Variants in MITD1 observed in about 807,000 individuals in gnomAD.
MITD1 encodes the protein MIT domain-containing protein 1.
In MITD1, 24 loss-of-function variants were observed where a neutral mutation model predicts 34.9. The observed-to-expected ratio is 0.69, with a 90% CI of 0.50 to 0.97. MITD1 has a LOEUF of 0.97. Ranked by LOEUF, MITD1 falls within the 50% of genes least tolerant of loss-of-function variation. MITD1 has a pLI of 0.00. For synonymous variants in MITD1, 102 were observed against 101.4 expected (o/e 1.01, Z -0.04); for missense variants, 266 against 294.6 (o/e 0.90, Z 0.71).
At position 99,169,444 on chromosome 2, in the gene MITD1, A is replaced by G; in HGVS notation, c.681T>C (p.Asp227=). 6.2e-7 allele frequency: 1 copy of G among 1,607,988 alleles called. No individual in the cohort carries two copies. Among genetic ancestry groups the G allele is most frequent in the South Asian group, 1.1e-5 (1 of 89,884 alleles). The part of the protein sequence containing the change: ...PQSRFSLGYC[D]FDLRPCHETT... ...TTTCATGACATGGTCTTAAATCAAAATCACAATATCCAAGGGAAAAACGAC... is the reference window on the plus strand; with the variant it reads ...TTTCATGACATGGTCTTAAATCAAAGTCACAATATCCAAGGGAAAAACGAC... The change falls in exon 7 of 7, where the codon GAT becomes GAC. Residue 227 remains aspartate, a synonymous_variant. Coordinates refer to ENST00000289359, the MANE Select transcript of MITD1 (RefSeq NM_138798.3).
chr2:99,165,061 C>CACACACACATAT (rs370053233), downstream of MITD1, among the ~76,000 whole-genome samples: 797 of 135,200 alleles, frequency 5.9e-3, 7 homozygotes, highest in Non-Finnish European at 8.7e-3. Flanking sequence ...CACACACACA[C>CACACACACATAT]ATATATATAT....
chr2:99,176,688 G>A (rs951243586), intron 1 of MITD1, among the ~76,000 whole-genome samples: 11 of 104,800 alleles, frequency 1.0e-4, no homozygotes, highest in African/African-American at 3.0e-4. Context: ...GTGTGTGCGC[G>A]TGTGTGTGTG....
Position 99,180,963 on chromosome 2 carries a change from T to G in MITD1, c.19A>C (p.Arg7=). 1 of 1,613,852 alleles carries G rather than the reference T, an allele frequency of 6.2e-7. No homozygotes were observed. The highest frequency in any genetic ancestry group is 8.5e-7 in the Non-Finnish European group (1 of 1,179,846). The part of the protein sequence containing the change: MAKSGL[R]QDPQSTAAAT... ...GCAGCTGTGCTCTGCGGGTCCTGCC[T>G]CAGCCCGGACTTCGCCATAATTCTG... The change falls in exon 1 of 7, where the codon AGG becomes CGG. Residue 7 remains arginine, a synonymous_variant. Coordinates refer to ENST00000289359, the MANE Select transcript of MITD1 (RefSeq NM_138798.3).
intron 1 of MITD1, among the ~76,000 whole-genome samples, chr2:99,175,573 C>A (rs746136072): frequency 6.6e-6 from 1 of 152,180 alleles, no homozygotes; most frequent in Non-Finnish European, 1.5e-5. Flanking sequence ...GATTTCTCCA[C>A]TGTAAAATCA....
At chr2:99,180,083 T>A (rs2105234313) in intron 1 of MITD1, among the ~76,000 whole-genome samples, 1 of 152,278 alleles carries the variant, frequency 6.6e-6, no homozygotes, top group Non-Finnish European at 1.5e-5. Flanking sequence ...TTGTGCTGGG[T>A]GTTAAGGAAT....
Position 99,171,414 on chromosome 2 carries a change from G to C in MITD1, c.406C>G (p.Arg136Gly). Reference protein sequence around the residue: ...RHTHQLYNFLRFCEMLIKRPC... With the variant: ...RHTHQLYNFLGFCEMLIKRPC... ...CTCTTAATAAGCATCTCACAAAATC[G>C]AAGAAAGTTATACAGCTAAAAGACA... Residue 136 changes from arginine (R) to glycine (G), a missense_variant, in exon 4 of 7, where the codon CGA becomes GGA. Physicochemically the swap from Arg to Gly is moderately radical, Grantham distance 125 (BLOSUM62 -2). Transcript: ENST00000289359. 1.2e-6 allele frequency: 2 copies of C among 1,611,746 alleles called. No individual in the cohort carries two copies. The highest frequency in any genetic ancestry group is 1.7e-6 in the Non-Finnish European group (2 of 1,178,538).
chr2:99,180,472 A>G (rs1431099011), intron 1 of MITD1, among the ~76,000 whole-genome samples: 3 of 152,236 alleles, frequency 2.0e-5, no homozygotes, highest in Non-Finnish European at 4.4e-5. Flanking sequence ...TGCCTAAGAA[A>G]ATAATTTTAA....
intron 1 of MITD1, among the ~76,000 whole-genome samples, chr2:99,179,376 T>C (rs1484593539): frequency 2.0e-5 from 3 of 152,288 alleles, no homozygotes; most frequent in South Asian, 4.2e-4. Context: ...ATACTTTTTA[T>C]GCTGTAAAAC....
chr2:99,168,564 G>A (rs1016208341), downstream of MITD1, among the ~76,000 whole-genome samples: 23 of 152,184 alleles, frequency 1.5e-4, no homozygotes, highest in African/African-American at 5.6e-4. Context: ...AGCTTACCCA[G>A]AACAGTTGAT....
At chr2:99,163,015 C>T in intron 7 of MITD1, 8 of 1,603,162 alleles carry the variant, frequency 5.0e-6, no homozygotes, top group Non-Finnish European at 6.8e-6. Flanking sequence ...AGAACATGTC[C>T]ACAAGACCAC....
rs141744386 is a variant in MITD1 at position 99,169,635 on chromosome 2, A to G, written c.594-25T>C. ...CCTGTTGAAATTAGTATATAGTATT[A>G]TATTCAAGACATTTAAGTCAGACTA... On this transcript the variant is annotated intron_variant, in intron 5 of 6. Transcript: ENST00000289359. 3,603 of 1,539,886 alleles carry G rather than the reference A, an allele frequency of 2.3e-3. 7 individuals carry two copies. Among genetic ancestry groups the G allele is most frequent in the Non-Finnish European group, 2.7e-3 (2,961 of 1,113,204 alleles).
chr2:99,177,951 T>A (rs2093897015), intron 1 of MITD1, among the ~76,000 whole-genome samples: 1 of 152,250 alleles, frequency 6.6e-6, no homozygotes, highest in African/African-American at 2.4e-5. Context: ...CATGTGGTAT[T>A]TGTCTTTCTG....
intron 7 of MITD1, among the ~76,000 whole-genome samples, chr2:99,163,516 CAG>C (rs1240671073): frequency 1.3e-5 from 2 of 151,888 alleles, no homozygotes; most frequent in East Asian, 1.9e-4. Flanking sequence ...TTAATAGAGA[CAG>C]GGTTTCACTG....
At position 99,173,908 on chromosome 2, in the gene MITD1, T is replaced by C. The variant is rs754150619; in HGVS notation, c.253+7A>G. The C allele has an allele frequency of 1.9e-6, 3 of 1,570,488 alleles. No individual in the cohort carries two copies. The highest frequency in any genetic ancestry group is 1.4e-5 in the African/African-American group (1 of 73,958). ...TATGGATGCATTTTCTAAAACAACC[T>C]CTTTACCTTCTTTTTCTTGGTCCAA... On this transcript the variant is annotated splice_region_variant and intron_variant, in intron 2 of 6. Transcript: ENST00000289359.
downstream of MITD1, among the ~76,000 whole-genome samples, chr2:99,166,619 C>G (rs138767417): frequency 6.6e-6 from 1 of 151,554 alleles, no homozygotes; most frequent in Non-Finnish European, 1.5e-5. Flanking sequence ...AGAGATTGCT[C>G]TAAGGCCCAA....
chr2:99,165,051 C>CAG (rs2093821308), downstream of MITD1, among the ~76,000 whole-genome samples: 2 of 122,360 alleles, frequency 1.6e-5, no homozygotes, highest in Admixed American at 9.7e-5. Flanking sequence ...CACACACACA[C>CAG]ACACACACAC....
rs994021564 is a variant in MITD1, at chr2:99,176,259, G to A, written c.152-2243C>T. Among the ~76,000 whole-genome samples, 80 of 149,974 alleles carry A rather than the reference G, an allele frequency of 5.3e-4. 2 individuals are homozygous for A. Among genetic ancestry groups the A allele is most frequent in the African/African-American group, 1.9e-3 (79 of 41,004 alleles). On this transcript the variant is annotated intron_variant, in intron 1 of 6. Transcript: ENST00000289359. ...GAGCCACCATGCACAGCCACAAGAT[G>A]TTTTAAACCAAATTTGTCCAACTCT...
downstream of MITD1, among the ~76,000 whole-genome samples, chr2:99,166,350 A>G (rs1169482974): frequency 2.0e-5 from 3 of 152,030 alleles, no homozygotes; most frequent in African/African-American, 7.3e-5. Flanking sequence ...GTCACATAGT[A>G]CGAGAGTTTA....
At chr2:99,176,190 A>AT (rs1239028332) in intron 1 of MITD1, among the ~76,000 whole-genome samples, 1 of 152,140 alleles carries the variant, frequency 6.6e-6, no homozygotes, top group African/African-American at 2.4e-5. Context: ...GGGCTCAGGC[A>AT]ATCCGCCTGC....
Sources: gnomAD v4.1 joint callset for allele counts (sites outside exome capture counted in the v4.1 genomes callset) on GRCh38, gnomAD v4.1.1 for gene constraint, MANE v1.5 for transcripts, NCBI Gene and HGNC (gene_info 2026-07-23, HGNC 2026-07-21) for gene names.